The following LEMD1 variants were observed in gnomAD, a reference collection of about 807,000 sequenced individuals.
LEMD1 encodes the protein LEM domain-containing protein 1.
Under a neutral mutation model 17.4 loss-of-function variants are expected in LEMD1, and 18 were observed. That is an observed-to-expected ratio of 1.04 (90% CI 0.72 to 1.54). The LOEUF (loss-of-function observed/expected upper bound fraction) is 1.54. LEMD1 is among the 40% of genes most tolerant of loss of function. The pLI is 0.00. For synonymous variants in LEMD1, 88 were observed against 77.8 expected, an observed-to-expected ratio of 1.13 and a Z score of -0.69; for missense variants, 195 against 210.4, an observed-to-expected ratio of 0.93 and a Z score of 0.45.
intron 4 of LEMD1, among the ~76,000 whole-genome samples, chr1:205,413,328 C>A (rs997637785): frequency 2.0e-5 from 3 of 152,022 alleles, no homozygotes; most frequent in African/African-American, 7.2e-5. Flanking sequence ...CGCTCTGTCA[C>A]CCAGGCTAGA....
intron 4 of LEMD1, among the ~76,000 whole-genome samples, chr1:205,413,873 C>T (rs1426997178): frequency 6.6e-6 from 1 of 151,924 alleles, no homozygotes; most frequent in East Asian, 1.9e-4. Flanking sequence ...AGACTGGTCT[C>T]GAACTCCTGG....
intron 4 of LEMD1, chr1:205,386,573 G>C (rs920840591): frequency 1.3e-5 from 2 of 151,286 alleles, no homozygotes; most frequent in African/African-American, 4.9e-5. Flanking sequence ...CAAAGTGCTG[G>C]GATTACAGGC....
At position 205,437,471 on chromosome 1, in the gene LEMD1, A is replaced by G. The variant is rs9662770; in HGVS notation, c.-39+12397T>C. ...GGCTGTAGGAGGGAAGAGAGGCAGA[A>G]CTGCAAGGAGTCCTGGGCCCTGGCT... is the stretch of plus-strand genomic sequence containing the variant. On this transcript the variant is annotated intron_variant, in intron 1 of 3. Transcript: ENST00000367154. The G allele has an allele frequency of 3.9e-4, 59 of 152,400 alleles. 1 individual carries two copies. Among genetic ancestry groups the G allele is most frequent in the African/African-American group, 1.4e-3 (59 of 41,572 alleles). 9.4% of individuals were successfully genotyped at this position (152,400 alleles called of 1,614,324 possible). A position where few individuals can be genotyped will look rare whatever the true frequency, so the allele number is the denominator to read the frequency against.
At chr1:205,429,958 G>A (rs1666104447) in intron 1 of LEMD1, among the ~76,000 whole-genome samples, 1 of 152,174 alleles carries the variant, frequency 6.6e-6, no homozygotes, top group African/African-American at 2.4e-5. Flanking sequence ...GCTGTGCACA[G>A]GTGTCGCTTC....
chr1:205,420,337 GT>G lies in LEMD1; in HGVS notation c.82+117del, dbSNP rs1574996933. Reference sequence around the variant, plus strand: ...GCCTCTTCCCTCTTTGTGGTTTTCTGTTTTCTCTATGTTCCTATTTCTATTT... The same window carrying G: ...GCCTCTTCCCTCTTTGTGGTTTTCTGTTTCTCTATGTTCCTATTTCTATTT... On this transcript the variant is annotated intron_variant, in intron 2 of 5. Transcript: ENST00000367153. 1.2e-5 allele frequency: 9 copies of G among 770,696 alleles called. No individual in the cohort carries two copies. In the East Asian group the frequency reaches 2.1e-4, roughly 18 times the overall value. 47.7% of individuals were successfully genotyped at this position (770,696 alleles called of 1,614,324 possible).
chr1:205,402,928 C>T (rs1378308511), intron 4 of LEMD1, among the ~76,000 whole-genome samples: 1 of 151,852 alleles, frequency 6.6e-6, no homozygotes, highest in Non-Finnish European at 1.5e-5. Flanking sequence ...TGAATTTTGT[C>T]AAAGGCCTTT....
At position 205,381,787 on chromosome 1, in the gene LEMD1, C is replaced by G; in HGVS notation, c.417G>C (p.Ala139=). 2 of 1,614,148 alleles carry G rather than the reference C, an allele frequency of 1.2e-6. No homozygotes were observed. The highest frequency in any genetic ancestry group is 1.7e-6 in the Non-Finnish European group (2 of 1,180,010). Residue 139 remains alanine, a synonymous_variant, in exon 6 of 6, where the codon GCG becomes GCC. Coordinates refer to ENST00000367153, the MANE Select transcript of LEMD1 (RefSeq NM_001199050.2). ...GTITKERDYC[A]EDQTIESWRE... ...TCCAGCTCTCGATAGTCTGGTCTTC[C>G]GCGCAGTAGTCTCTCTCTTTGGTGA...
At chr1:205,415,391 G>A (rs931816580) in intron 4 of LEMD1, among the ~76,000 whole-genome samples, 2 of 152,168 alleles carry the variant, frequency 1.3e-5, no homozygotes, top group East Asian at 1.9e-4. Flanking sequence ...ATCACACTGA[G>A]CAGAGGCTGA....
chr1:205,406,489 TG>T (rs1426657351), intron 4 of LEMD1, among the ~76,000 whole-genome samples: 1 of 152,242 alleles, frequency 6.6e-6, no homozygotes, highest in Non-Finnish European at 1.5e-5. Context: ...CGAGACTCTG[TG>T]GGCGTAGGAC....
At chr1:205,400,978 A>T in intron 4 of LEMD1, among the ~76,000 whole-genome samples, 1 of 151,234 alleles carries the variant, frequency 6.6e-6, no homozygotes, top group Non-Finnish European at 1.5e-5. Context: ...TAGTTTACTG[A>T]GAATGATGAT....
chr1:205,434,348 AAT>A (rs1553399154), intron 1 of LEMD1, among the ~76,000 whole-genome samples: 3 of 143,154 alleles, frequency 2.1e-5, no homozygotes, highest in African/African-American at 5.2e-5. Context: ...AGTAAAAAAA[AAT>A]ATATATATAT....
intron 1 of LEMD1, among the ~76,000 whole-genome samples, chr1:205,447,356 G>A (rs914951448): frequency 2.0e-5 from 3 of 152,172 alleles, no homozygotes; most frequent in African/African-American, 7.2e-5. Flanking sequence ...GTAAGTGTTG[G>A]TTGGTGAAAT....
chr1:205,408,526 G>A (rs528201522), intron 4 of LEMD1, among the ~76,000 whole-genome samples: 220 of 145,642 alleles, frequency 1.5e-3, no homozygotes, highest in African/African-American at 5.4e-3. Context: ...TTTGAGACAG[G>A]ATCTCACTCT....
chr1:205,406,686 T>C (rs11240470), intron 4 of LEMD1, among the ~76,000 whole-genome samples: 46,720 of 152,116 alleles, frequency 0.31, 7,529 homozygotes, highest in African/African-American at 0.38. Context: ...CACCCTGCTT[T>C]GGCTCGCACA....
chr1:205,411,115 G>C (rs1665379575), intron 4 of LEMD1, among the ~76,000 whole-genome samples: 1 of 139,026 alleles, frequency 7.2e-6, no homozygotes, highest in African/African-American at 2.6e-5. Flanking sequence ...AAGAAAGGAA[G>C]GAGGGAGGGA....
At chr1:205,407,437 G>T (rs1665172190) in intron 4 of LEMD1, among the ~76,000 whole-genome samples, 1 of 151,902 alleles carries the variant, frequency 6.6e-6, no homozygotes, top group African/African-American at 2.4e-5. Context: ...CAATGATTCA[G>T]TCAATCATGC....
intron 4 of LEMD1, among the ~76,000 whole-genome samples, chr1:205,398,994 C>A (rs1190840489): frequency 6.6e-6 from 1 of 152,132 alleles, no homozygotes; most frequent in Non-Finnish European, 1.5e-5. Flanking sequence ...GCGGGTGGAT[C>A]ACCTGAGGTC....
At chr1:205,430,928 T>G in intron 1 of LEMD1, among the ~76,000 whole-genome samples, 1 of 152,114 alleles carries the variant, frequency 6.6e-6, no homozygotes, top group East Asian at 1.9e-4. Context: ...CCTTCACACT[T>G]CCCCTCACCC....
chr1:205,436,798 C>G (rs1558742228), intron 1 of LEMD1: 1 of 152,244 alleles, frequency 6.6e-6, no homozygotes, highest in Non-Finnish European at 1.5e-5. Flanking sequence ...AACTCAGCAG[C>G]CCAGAGATTT....
Sources: gnomAD v4.1 joint callset for allele counts (sites outside exome capture counted in the v4.1 genomes callset) on GRCh38, gnomAD v4.1.1 for gene constraint, MANE v1.5 for transcripts, NCBI Gene and HGNC (gene_info 2026-07-23, HGNC 2026-07-21) for gene names.